ISCA1: variants seen among roughly 807,000 people sequenced by gnomAD.
ISCA1 encodes the protein iron-sulfur cluster assembly 1 homolog, mitochondrial.
Under a neutral mutation model 14.7 loss-of-function variants are expected in ISCA1, and 9 were observed. The ratio of observed to expected loss-of-function variants is 0.61; its 90% CI spans 0.37 to 1.07. ISCA1 has a LOEUF of 1.07. Ranked by LOEUF, ISCA1 falls within the 50% of genes least tolerant of loss-of-function variation. The pLI, the probability that ISCA1 is intolerant of heterozygous loss-of-function variation, is 0.01. For synonymous variants in ISCA1, 38 were observed against 54.3 expected, an observed-to-expected ratio of 0.70 and a Z score of 1.32; for missense variants, 102 against 150.1, an observed-to-expected ratio of 0.68 and a Z score of 1.67.
chr9:86,276,366 G>A (rs1257728804), intron 1 of ISCA1, among the ~76,000 whole-genome samples: 1 of 152,188 alleles, frequency 6.6e-6, no homozygotes, highest in African/African-American at 2.4e-5. Context: ...GTTCCTAACA[G>A]GCCATGGACC....
rs565904592 is a variant in ISCA1 at position 86,282,261 on chromosome 9, GC to G, written c.81+116del. On this transcript the variant is annotated intron_variant, in intron 1 of 3. Coordinates refer to ENST00000375991, the MANE Select transcript of ISCA1 (RefSeq NM_030940.4). ...AGGCTGTGCGGCGGGTCGGAGCGAC[GC>G]CGAGGTCTGACGTGTCCGCGTCCCT... The G allele has an allele frequency of 4.6e-4, 526 of 1,153,094 alleles. 9 individuals are homozygous for G. The South Asian group carries it at 8.3e-3, about 18-fold the overall frequency. 71.4% of individuals were successfully genotyped at this position (1,153,094 alleles called of 1,614,324 possible).
At chr9:86,270,927 C>T (rs901412955) in intron 3 of ISCA1, among the ~76,000 whole-genome samples, 1 of 120,470 alleles carries the variant, frequency 8.3e-6, no homozygotes, top group African/African-American at 3.2e-5. Flanking sequence ...GAACATCACA[C>T]TCTGGGGACT....
intron 3 of ISCA1, among the ~76,000 whole-genome samples, chr9:86,271,166 T>C (rs1825364484): frequency 6.6e-6 from 1 of 152,156 alleles, no homozygotes; most frequent in South Asian, 2.1e-4. Flanking sequence ...ATACTTACCA[T>C]TGTGTCAGAA....
At chr9:86,273,596 G>T (rs1031913271) in intron 2 of ISCA1, among the ~76,000 whole-genome samples, 1 of 152,120 alleles carries the variant, frequency 6.6e-6, no homozygotes, top group Non-Finnish European at 1.5e-5. Context: ...AAAGCAAAGT[G>T]TAACAAAAAA....
chr9:86,282,258 G>A (rs1421629363), intron 1 of ISCA1, 120 bp downstream of exon 1: 33 of 1,128,928 alleles, frequency 2.9e-5, no homozygotes, highest in Non-Finnish European at 3.6e-5. Context: ...GGGTCGGAGC[G>A]ACGCCGAGGT....
At chr9:86,281,335 A>C (rs886121291) in intron 1 of ISCA1, among the ~76,000 whole-genome samples, 6 of 152,350 alleles carry the variant, frequency 3.9e-5, no homozygotes, top group Middle Eastern at 3.4e-3. Flanking sequence ...ACTTTGCTAC[A>C]AACTTATTTT....
intron 2 of ISCA1, among the ~76,000 whole-genome samples, chr9:86,273,732 GTAC>G (rs1356105852): frequency 2.0e-5 from 3 of 152,144 alleles, no homozygotes; most frequent in Non-Finnish European, 2.9e-5. Flanking sequence ...TGGTGAAATA[GTAC>G]TCACCATACT....
At chr9:86,278,724 T>C (rs189863905) in intron 1 of ISCA1, among the ~76,000 whole-genome samples, 1 of 152,306 alleles carries the variant, frequency 6.6e-6, no homozygotes, top group East Asian at 1.9e-4. Flanking sequence ...GCAGCCTCCA[T>C]TGAAACAATT....
intron 1 of ISCA1, among the ~76,000 whole-genome samples, chr9:86,274,565 A>C (rs931753000): frequency 3.3e-5 from 5 of 152,126 alleles, no homozygotes; most frequent in Non-Finnish European, 7.4e-5. Flanking sequence ...TTGTGCACCA[A>C]CTCTATGCCC....
intron 1 of ISCA1, among the ~76,000 whole-genome samples, chr9:86,274,581 C>T (rs932781567): frequency 1.3e-5 from 2 of 152,182 alleles, no homozygotes; most frequent in African/African-American, 4.8e-5. Flanking sequence ...TGCCCAGGAA[C>T]CAGCATGTTG....
At chr9:86,275,262 ACTTT>A (rs1825426628) in intron 1 of ISCA1, among the ~76,000 whole-genome samples, 1 of 152,228 alleles carries the variant, frequency 6.6e-6, no homozygotes, top group Non-Finnish European at 1.5e-5. Flanking sequence ...CGTCCTTCCT[ACTTT>A]ATCAGCTCCT....
Position 86,275,082 on chromosome 9 carries a change from C to G in ISCA1, c.82-840G>C, listed in dbSNP as rs1028549224. Among the ~76,000 whole-genome samples the G allele has an allele frequency of 4.6e-5, 7 of 152,322 alleles. No individual in the cohort carries two copies. The East Asian group carries it at 1.4e-3, about 29-fold the overall frequency. ...AGGGCAGTCACCCTAAGTGGCTTCT[C>G]TGACTTCTATTCCCTTACTGGTGAA... is the stretch of plus-strand genomic sequence containing the variant. On this transcript the variant is annotated intron_variant, in intron 1 of 3. Coordinates refer to ENST00000375991, the MANE Select transcript of ISCA1 (RefSeq NM_030940.4).
intron 3 of ISCA1, among the ~76,000 whole-genome samples, chr9:86,270,478 CTT>C (rs1825355158): frequency 6.7e-6 from 1 of 150,264 alleles, no homozygotes; most frequent in South Asian, 2.1e-4. Flanking sequence ...AATAGGAACA[CTT>C]TTACACTGGT....
chr9:86,281,348 G>A (rs1004480558), intron 1 of ISCA1, among the ~76,000 whole-genome samples: 8 of 152,160 alleles, frequency 5.3e-5, no homozygotes, highest in African/African-American at 1.9e-4. Flanking sequence ...CTTATTTTCT[G>A]GTAATAGGCC....
chr9:86,271,394 C>A (rs766916868), intron 3 of ISCA1, among the ~76,000 whole-genome samples: 10 of 152,180 alleles, frequency 6.6e-5, no homozygotes, highest in South Asian at 4.1e-4. Flanking sequence ...CAGAATGTAT[C>A]TCCAATGTTA....
chr9:86,277,795 G>T (rs1466039153), intron 1 of ISCA1, among the ~76,000 whole-genome samples: 4 of 152,138 alleles, frequency 2.6e-5, no homozygotes, highest in Admixed American at 6.5e-5. Flanking sequence ...AAATATGATG[G>T]TTTTTACTCA....
In ISCA1 at chr9:86,265,110, CAAAAT is replaced by C. The variant is rs1172115456; in HGVS notation, c.*928_*932del. On this transcript the variant is annotated 3_prime_UTR_variant, in exon 4 of 4. Coordinates refer to ENST00000375991, the MANE Select transcript of ISCA1 (RefSeq NM_030940.4). ...AAAAGGTTTTAAAATTCTTCCCACTCAAAATAAAATAAAAATAATATAATCTCTAT... is the reference window on the plus strand; with the variant it reads ...AAAAGGTTTTAAAATTCTTCCCACTCAAAATAAAAATAATATAATCTCTAT... 6.6e-6 allele frequency: 1 copy of C among 152,148 alleles called. No individual in the cohort carries two copies. Among genetic ancestry groups the C allele is most frequent in the Non-Finnish European group, 1.5e-5 (1 of 68,024 alleles). 9.4% of individuals were successfully genotyped at this position (152,148 alleles called of 1,614,324 possible). A position where few individuals can be genotyped will look rare whatever the true frequency, so the allele number is the denominator to read the frequency against.
chr9:86,281,975 G>A (rs1048765510), intron 1 of ISCA1: 1 of 188,158 alleles, frequency 5.3e-6, no homozygotes, highest in African/African-American at 2.4e-5. Context: ...GCACCTCCAG[G>A]CTAGGACTCC....
chr9:86,268,129 G>A (rs1034612037), intron 3 of ISCA1, among the ~76,000 whole-genome samples: 6 of 151,654 alleles, frequency 4.0e-5, no homozygotes, highest in East Asian at 3.9e-4. Flanking sequence ...AAAGTTAACC[G>A]TGAAACAGCC....
Sources: allele counts gnomAD v4.1 joint callset (sites outside exome capture counted in the v4.1 genomes callset), GRCh38; gene constraint gnomAD v4.1.1; transcripts MANE v1.5; gene names NCBI Gene and HGNC (gene_info 2026-07-23, HGNC 2026-07-21).